The following ITPR2 variants were observed in gnomAD, a reference collection of about 807,000 sequenced individuals.
ITPR2 encodes the protein inositol 1,4,5-trisphosphate-gated calcium channel ITPR2.
ITPR2 carries 207 observed loss-of-function variants against 317.1 expected under a neutral mutation model. The observed-to-expected ratio is 0.65, with a 90% CI of 0.58 to 0.73. ITPR2 has a LOEUF of 0.73. ITPR2 is among the 30% of genes least tolerant of loss of function. The pLI is 0.00. For synonymous variants in ITPR2, 1,156 were observed against 1,149.1 expected (o/e 1.01, Z -0.12); for missense variants, 2,613 against 3,284.0 (o/e 0.80, Z 4.99).
At chr12:26,608,406 C>T (rs1406337999) in intron 26 of ITPR2, among the ~76,000 whole-genome samples, 1 of 151,938 alleles carries the variant, frequency 6.6e-6, no homozygotes, top group African/African-American at 2.4e-5. Context: ...CTCCCCGGGC[C>T]CCCCACCGTC....
chr12:26,761,385 T>C (rs1386532746), intron 2 of ITPR2, among the ~76,000 whole-genome samples: 2 of 152,130 alleles, frequency 1.3e-5, no homozygotes, highest in Non-Finnish European at 2.9e-5. Context: ...AAATCACAAA[T>C]AATCAGGGAA....
At chr12:26,674,255 A>G (rs1032227296) in intron 13 of ITPR2, among the ~76,000 whole-genome samples, 1 of 151,980 alleles carries the variant, frequency 6.6e-6, no homozygotes, top group Admixed American at 6.6e-5. Context: ...CTAAGCCAAA[A>G]GAACAAAGCT....
At chr12:26,486,867 C>A (rs1942681582) in intron 40 of ITPR2, 2 of 690,242 alleles carry the variant, frequency 2.9e-6, no homozygotes, top group Middle Eastern at 2.3e-4. Context: ...GGTTGCTTTG[C>A]ACTGATTATG....
chr12:26,413,822 A>C (rs144898503), intron 51 of ITPR2, among the ~76,000 whole-genome samples: 3,153 of 152,268 alleles, frequency 0.021, 31 homozygotes, highest in African/African-American at 0.027. Context: ...TTTCCAAAGA[A>C]AATATTTATG....
intron 1 of ITPR2, among the ~76,000 whole-genome samples, chr12:26,808,122 C>T (rs1355020076): frequency 6.6e-6 from 1 of 152,196 alleles, no homozygotes; most frequent in African/African-American, 2.4e-5. Flanking sequence ...AACCATTCTT[C>T]ACCACCATGG....
chr12:26,789,783 G>A (rs1461020879), intron 2 of ITPR2, among the ~76,000 whole-genome samples: 1 of 152,176 alleles, frequency 6.6e-6, no homozygotes, highest in South Asian at 2.1e-4. Context: ...CACTCCTGGA[G>A]AGTTTACAAA....
intron 13 of ITPR2, among the ~76,000 whole-genome samples, chr12:26,677,328 G>A (rs1387016104): frequency 2.0e-5 from 3 of 152,148 alleles, no homozygotes; most frequent in African/African-American, 4.8e-5. Flanking sequence ...AGCCAGGCAC[G>A]GTGGCTCACG....
In ITPR2 at chr12:26,684,425, T is replaced by C. The variant is rs151293798; in HGVS notation, c.1149-1752A>G. On this transcript the variant is annotated intron_variant, in intron 11 of 56. Coordinates refer to ENST00000381340, the MANE Select transcript of ITPR2 (RefSeq NM_002223.4). ...AGGTGGTTCTAATTTACAGTCAGCT[T>C]GAGAACCACTGTTCCAACTCAGTCT... 2.5e-3 allele frequency among the ~76,000 whole-genome samples: 385 copies of C among 152,326 alleles called. 1 individual carries two copies. The highest frequency in any genetic ancestry group is 8.9e-3 in the African/African-American group (370 of 41,566).
rs548726527 is a variant in ITPR2 at position 26,675,662 on chromosome 12, A to G, written c.1409+6212T>C. ...GTATACATATGTAACTAACCTGCACATTGTGCACATGTACCCTAAAACTTA... is the reference window on the plus strand; with the variant it reads ...GTATACATATGTAACTAACCTGCACGTTGTGCACATGTACCCTAAAACTTA... On this transcript the variant is annotated intron_variant, in intron 13 of 56. Coordinates refer to ENST00000381340, the MANE Select transcript of ITPR2 (RefSeq NM_002223.4). 1.2e-4 allele frequency among the ~76,000 whole-genome samples: 19 copies of G among 152,282 alleles called. No individual in the cohort carries two copies. In the East Asian group the frequency reaches 3.1e-3, roughly 25 times the overall value.
At chr12:26,649,818 T>TAGACAGACAGAC (rs1488517955) in intron 21 of ITPR2, among the ~76,000 whole-genome samples, 1 of 132,808 alleles carries the variant, frequency 7.5e-6, no homozygotes, top group Admixed American at 7.5e-5. Context: ...GATAGATAGA[T>TAGACAGACAGAC]AGATAGACAG....
At chr12:26,550,443 A>G in intron 36 of ITPR2, 88 bp from the exon 37 acceptor site, 1 of 659,264 alleles carries the variant, frequency 1.5e-6, no homozygotes, top group Admixed American at 2.9e-5. Flanking sequence ...GAAAAAATTT[A>G]CACAATTATT....
At chr12:26,374,458 C>T (rs999837871) in intron 55 of ITPR2, among the ~76,000 whole-genome samples, 1 of 152,164 alleles carries the variant, frequency 6.6e-6, no homozygotes. Flanking sequence ...TTGACCTTTG[C>T]CTAACCTATA....
intron 37 of ITPR2, among the ~76,000 whole-genome samples, chr12:26,498,392 C>A (rs1942993909): frequency 6.6e-6 from 1 of 152,012 alleles, no homozygotes; most frequent in Admixed American, 6.6e-5. Flanking sequence ...TTCACCTGGC[C>A]AAAGAAAATT....
intron 30 of ITPR2, among the ~76,000 whole-genome samples, chr12:26,598,200 A>AT (rs1945898595): frequency 6.6e-6 from 1 of 152,166 alleles, no homozygotes; most frequent in South Asian, 2.1e-4. Context: ...AAAAAGGTGC[A>AT]TTTTACAAGC....
At chr12:26,590,909 G>A (rs577336342) in intron 32 of ITPR2, among the ~76,000 whole-genome samples, 50 of 151,452 alleles carry the variant, frequency 3.3e-4, no homozygotes, top group Non-Finnish European at 6.2e-4. Flanking sequence ...GTGAAACCCC[G>A]TCTCTACTAA....
chr12:26,737,392 A>G (rs1488189614), intron 2 of ITPR2, among the ~76,000 whole-genome samples: 1 of 151,970 alleles, frequency 6.6e-6, no homozygotes, highest in African/African-American at 2.4e-5. Context: ...AGTAGCTGGG[A>G]TTACAGGCAC....
intron 52 of ITPR2, among the ~76,000 whole-genome samples, chr12:26,408,296 T>C (rs1164050531): frequency 6.6e-6 from 1 of 152,216 alleles, no homozygotes; most frequent in East Asian, 1.9e-4. Flanking sequence ...GCTTTTATTA[T>C]ATTATCATCC....
chr12:26,543,711 G>T (rs1249656498), intron 37 of ITPR2, among the ~76,000 whole-genome samples: 3 of 152,190 alleles, frequency 2.0e-5, no homozygotes, highest in Non-Finnish European at 4.4e-5. Flanking sequence ...GGAGATCGCA[G>T]TGAGCCAAGA....
Position 26,712,749 on chromosome 12 carries a change from T to C in ITPR2, c.856-1481A>G, listed in dbSNP as rs1024170443. 2.0e-5 allele frequency among the ~76,000 whole-genome samples: 3 copies of C among 152,188 alleles called. No homozygotes were observed. In the South Asian group the frequency reaches 6.2e-4, roughly 31 times the overall value. On this transcript the variant is annotated intron_variant, in intron 8 of 56. Transcript: ENST00000381340. ...TCCCAGACTAAGAACTACTCTCCTA[T>C]ACATCAGTGGGTCTGGCAAGGGCAG...
Sources: gnomAD v4.1 joint callset for allele counts (sites outside exome capture counted in the v4.1 genomes callset) on GRCh38, gnomAD v4.1.1 for gene constraint, MANE v1.5 for transcripts, NCBI Gene and HGNC (gene_info 2026-07-23, HGNC 2026-07-21) for gene names.